ZNF774: variants seen among roughly 807,000 people sequenced by gnomAD.
ZNF774 encodes zinc finger protein 774.
ZNF774 carries 14 observed loss-of-function variants against 11.1 expected under a neutral mutation model. That is an observed-to-expected ratio of 1.26 (90% confidence interval 0.83 to 1.97). The LOEUF is 1.97. Among genes scored for constraint, ZNF774 ranks in the 30% most tolerant of loss-of-function variants. The pLI, the probability that ZNF774 is intolerant of heterozygous loss-of-function variation, is 0.00. For missense variants in ZNF774, 599 were observed against 587.0 expected (o/e 1.02, Z -0.21); for synonymous variants, 195 against 212.6 (o/e 0.92, Z 0.72).
chr15:90,361,070 T>C lies in ZNF774; in HGVS notation c.1239T>C (p.Asn413=), dbSNP rs1390416614. The C allele has an allele frequency of 6.2e-7, 1 of 1,614,122 alleles. No homozygotes were observed. The highest frequency in any genetic ancestry group is 1.1e-5 in the South Asian group (1 of 91,078). Residue 413 remains asparagine (N), a synonymous_variant, in exon 4 of 4, where the codon AAT becomes AAC. Coordinates refer to ENST00000354377, the MANE Select transcript of ZNF774 (RefSeq NM_001004309.3). Reference sequence around the variant, plus strand: ...GTGGAGAGTGTGGGAAGAGCTTCAATCAGAGCTCCCACTTTATTACCCATC... The same window carrying C: ...GTGGAGAGTGTGGGAAGAGCTTCAACCAGAGCTCCCACTTTATTACCCATC... ...YKCGECGKSF[N]QSSHFITHQR... is the part of the protein sequence containing the mutation.
At chr15:90,354,827 C>A in intron 2 of ZNF774, 63 bp downstream of exon 2, 1 of 1,351,856 alleles carries the variant, frequency 7.4e-7, no homozygotes, top group Non-Finnish European at 1.0e-6. Flanking sequence ...CGGGGTCTCG[C>A]TCTGTCATCC....
In ZNF774 at chr15:90,358,972, C is replaced by G; in HGVS notation, c.211+15C>G. 1 of 1,593,010 alleles carries G rather than the reference C, an allele frequency of 6.3e-7. No homozygotes were observed. The highest frequency in any genetic ancestry group is 8.6e-7 in the Non-Finnish European group (1 of 1,161,760). Reference sequence around the variant, plus strand: ...AAGCCACACAGGTGAGATGTGAGTGCTCCCCAGTGGAAGGAAATCTAGCAT... The same window carrying G: ...AAGCCACACAGGTGAGATGTGAGTGGTCCCCAGTGGAAGGAAATCTAGCAT... On this transcript the variant is annotated intron_variant, in intron 3 of 3. Coordinates refer to ENST00000354377, the MANE Select transcript of ZNF774 (RefSeq NM_001004309.3).
intron 2 of ZNF774, among the ~76,000 whole-genome samples, chr15:90,358,212 C>T (rs1302789435): frequency 6.6e-6 from 1 of 152,128 alleles, no homozygotes; most frequent in Non-Finnish European, 1.5e-5. Context: ...TTGATGAAGA[C>T]ATTGAGACAC....
chr15:90,357,999 G>A (rs961165619), intron 2 of ZNF774, among the ~76,000 whole-genome samples: 10 of 151,210 alleles, frequency 6.6e-5, no homozygotes, highest in Admixed American at 3.3e-4. Flanking sequence ...GGGTTCAAGC[G>A]ATTCTCCTGC....
Position 90,360,381 on chromosome 15 carries a change from T to G in ZNF774, c.550T>G (p.Cys184Gly), listed in dbSNP as rs1232727952. Residue 184 changes from cysteine (C) to glycine (G), a missense_variant, in exon 4 of 4, where the codon TGT becomes GGT. Cys to Gly is a radical substitution (Grantham distance 159, BLOSUM62 -3). Coordinates refer to ENST00000354377, the MANE Select transcript of ZNF774 (RefSeq NM_001004309.3). ...CGAGAGGCCCTATACGTGCATTGAG[T>G]GTGGGAAAGGCTTCAAACAGAGCTC... Reference protein sequence around the residue: ...TGERPYTCIECGKGFKQSSDL... With the variant: ...TGERPYTCIEGGKGFKQSSDL... 1 of 1,613,860 alleles carries G rather than the reference T, an allele frequency of 6.2e-7. No individual in the cohort carries two copies. The highest frequency in any genetic ancestry group is 8.5e-7 in the Non-Finnish European group (1 of 1,179,980).
rs1964348913 is a variant in ZNF774 at position 90,362,394 on chromosome 15, T to C, written c.*1111T>C. ...GCCAGAGGGACCTGGTAGAGGACTA[T>C]AAAATTGTGGAAGCAAAATTGCTGA... On this transcript the variant is annotated 3_prime_UTR_variant, in exon 4 of 4. Coordinates refer to ENST00000354377, the MANE Select transcript of ZNF774 (RefSeq NM_001004309.3). 2 of 691,384 alleles carry C rather than the reference T, an allele frequency of 2.9e-6. No individual in the cohort carries two copies. The highest frequency in any genetic ancestry group is 3.6e-5 in the African/African-American group (2 of 56,120). The allele number at this position is 691,384 out of a possible 1,614,324, so 42.8% of individuals were successfully genotyped here.
Position 90,362,717 on chromosome 15 carries a change from A to C in ZNF774, c.*1434A>C. On this transcript the variant is annotated 3_prime_UTR_variant, in exon 4 of 4. Coordinates refer to ENST00000354377, the MANE Select transcript of ZNF774 (RefSeq NM_001004309.3). Reference sequence around the variant, plus strand: ...CTTCTCCCAGCCTCAAGTTTTACCTACCTCACAAGGTTGTTGTGAGGATCT... The same window carrying C: ...CTTCTCCCAGCCTCAAGTTTTACCTCCCTCACAAGGTTGTTGTGAGGATCT... 3 of 733,598 alleles carry C rather than the reference A, an allele frequency of 4.1e-6. No individual in the cohort carries two copies. Among genetic ancestry groups the C allele is most frequent in the Non-Finnish European group, 7.0e-6 (3 of 428,154 alleles). 45.4% of individuals were successfully genotyped at this position (733,598 alleles called of 1,614,324 possible).
At position 90,360,697 on chromosome 15, in the gene ZNF774, A is replaced by C. The variant is rs766546378; in HGVS notation, c.866A>C (p.Lys289Thr). The part of the protein sequence containing the change: ...ITHQRTHTGV[K>T]PYRCNDCGES... The stretch of plus-strand genomic sequence containing the variant: ...CACCAGAGGACCCACACAGGGGTGA[A>C]GCCTTACAGGTGTAATGACTGTGGG... Residue 289 changes from lysine (K) to threonine (T), a missense_variant, in exon 4 of 4, where the codon AAG (lysine) becomes ACG (threonine). Coordinates refer to ENST00000354377, the MANE Select transcript of ZNF774 (RefSeq NM_001004309.3). The C allele has an allele frequency of 6.2e-7, 1 of 1,614,222 alleles. No homozygotes were observed. Among genetic ancestry groups the C allele is most frequent in the Non-Finnish European group, 8.5e-7 (1 of 1,180,056 alleles).
chr15:90,354,560 A>G, intron 1 of ZNF774, 82 bp from the exon 2 acceptor site: 2 of 856,460 alleles, frequency 2.3e-6, no homozygotes, highest in Non-Finnish European at 3.8e-6. Flanking sequence ...GTTTGTGTAC[A>G]CTGGTGGCCA....
At chr15:90,354,570 A>G (rs1447180765) in intron 1 of ZNF774, 72 bp from the exon 2 acceptor site, 2 of 1,058,042 alleles carry the variant, frequency 1.9e-6, no homozygotes, top group South Asian at 1.4e-5. Flanking sequence ...ACTGGTGGCC[A>G]TTTTTTGGCT....
In ZNF774 at chr15:90,361,305, C is replaced by G. The variant is rs755470017; in HGVS notation, c.*22C>G. On this transcript the variant is annotated 3_prime_UTR_variant, in exon 4 of 4. Coordinates refer to ENST00000354377, the MANE Select transcript of ZNF774 (RefSeq NM_001004309.3). ...TTAGGAAGTAGTCTTTGGTGTTCAG[C>G]TGCTCCCTTGCACATTTTCATTGCT... 1.3e-6 allele frequency: 2 copies of G among 1,563,542 alleles called. No individual in the cohort carries two copies. The highest frequency in any genetic ancestry group is 2.2e-5 in the East Asian group (1 of 44,484).
chr15:90,359,052 C>T (rs1052271852), intron 3 of ZNF774, 95 bp downstream of exon 3: 43 of 682,222 alleles, frequency 6.3e-5, no homozygotes, highest in Non-Finnish European at 8.9e-5. Context: ...TTTGTTCTTA[C>T]TAGCAGACAT....
In ZNF774 at chr15:90,360,179, A is replaced by C; in HGVS notation, c.348A>C (p.Glu116Asp). 6 of 1,614,220 alleles carry C rather than the reference A, an allele frequency of 3.7e-6. No homozygotes were observed. The highest frequency in any genetic ancestry group is 5.1e-6 in the Non-Finnish European group (6 of 1,180,040). Residue 116 changes from glutamate (E) to aspartate (D), a missense_variant, in exon 4 of 4, where the codon GAA becomes GAC. Coordinates refer to ENST00000354377, the MANE Select transcript of ZNF774 (RefSeq NM_001004309.3). ...GAGGAAACTGGGAGCAAGGCCTAGA[A>C]TTAGAAGGGCAACATGGAACCCTTC... ...SWGGNWEQGL[E>D]LEGQHGTLPG...
chr15:90,357,876 T>C (rs1347577008), intron 2 of ZNF774, among the ~76,000 whole-genome samples: 1 of 150,496 alleles, frequency 6.6e-6, no homozygotes, highest in Non-Finnish European at 1.5e-5. Flanking sequence ...ACCTGGCCAA[T>C]GGATCTTATT....
At chr15:90,357,289 T>C (rs1964261721) in intron 2 of ZNF774, among the ~76,000 whole-genome samples, 1 of 152,184 alleles carries the variant, frequency 6.6e-6, no homozygotes, top group Admixed American at 6.5e-5. Context: ...GGAGGACCAC[T>C]TGAGCTCTGG....
chr15:90,354,031 CCACTTT>C (rs11277927), intron 1 of ZNF774, among the ~76,000 whole-genome samples: 39,405 of 151,420 alleles, frequency 0.26, 5,687 homozygotes, highest in African/African-American at 0.4. Context: ...GTGCTTATTC[CCACTTT>C]CACTTATTTT....
In ZNF774 at chr15:90,360,067, T is replaced by C. The variant is rs775845867; in HGVS notation, c.236T>C (p.Leu79Pro). 32 of 1,608,442 alleles carry C rather than the reference T, an allele frequency of 2.0e-5. No individual in the cohort carries two copies. Among genetic ancestry groups the C allele is most frequent in the Non-Finnish European group, 8.5e-6 (10 of 1,176,788 alleles). Reference sequence around the variant, plus strand: ...GACTGTGAGCATCAGGTGGCAAAGCTCAATCAGGACAATTCTGAAACAGCA... The same window carrying C: ...GACTGTGAGCATCAGGTGGCAAAGCCCAATCAGGACAATTCTGAAACAGCA... ...HTDCEHQVAK[L>P]NQDNSETAEQ... Residue 79 changes from leucine (L) to proline (P), a missense_variant, in exon 4 of 4, where the codon CTC (leucine) becomes CCC (proline). By Grantham distance (98) the Leu-to-Pro change is moderately conservative. Coordinates refer to ENST00000354377, the MANE Select transcript of ZNF774 (RefSeq NM_001004309.3).
Position 90,360,384 on chromosome 15 carries a change from G to A in ZNF774, c.553G>A (p.Gly185Arg), listed in dbSNP as rs765956145. The A allele has an allele frequency of 6.2e-7, 1 of 1,612,864 alleles. No homozygotes were observed. Among genetic ancestry groups the A allele is most frequent in the South Asian group, 1.1e-5 (1 of 91,028 alleles). ...GERPYTCIECGKGFKQSSDLV... is the reference protein window; with the variant it reads ...GERPYTCIECRKGFKQSSDLV... ...GAGGCCCTATACGTGCATTGAGTGT[G>A]GGAAAGGCTTCAAACAGAGCTCAGA... Residue 185 changes from glycine (G) to arginine (R), a missense_variant, in exon 4 of 4, where the codon GGG (glycine) becomes AGG (arginine). Coordinates refer to ENST00000354377, the MANE Select transcript of ZNF774 (RefSeq NM_001004309.3).
intron 2 of ZNF774, among the ~76,000 whole-genome samples, chr15:90,357,744 G>T: frequency 6.6e-6 from 1 of 151,916 alleles, no homozygotes; most frequent in Admixed American, 6.6e-5. Flanking sequence ...GCTAATTTTT[G>T]TATTTTTAGT....
Sources: gnomAD v4.1 joint callset for allele counts (sites outside exome capture counted in the v4.1 genomes callset) on GRCh38, gnomAD v4.1.1 for gene constraint, MANE v1.5 for transcripts, NCBI Gene and HGNC (gene_info 2026-07-23, HGNC 2026-07-21) for gene names.